FCHSD2: variants seen among roughly 807,000 people sequenced by gnomAD.
FCHSD2 encodes FCH and double SH3 domains 2.
FCHSD2 carries 38 observed loss-of-function variants against 108.1 expected under a neutral mutation model. The ratio of observed to expected loss-of-function variants is 0.35; its 90% CI spans 0.27 to 0.46. FCHSD2 has a LOEUF of 0.46. Among genes scored for constraint, FCHSD2 ranks in the 20% least tolerant of loss-of-function variants. The probability of loss-of-function intolerance (pLI) is 1.00; values close to 1 mark genes in which losing one functional copy is unlikely to be tolerated. For synonymous variants in FCHSD2, 279 were observed against 314.7 expected (o/e 0.89, Z 1.20); for missense variants, 751 against 897.8 (o/e 0.84, Z 2.09).
At chr11:72,954,181 G>C (rs1246122304) in intron 8 of FCHSD2, among the ~76,000 whole-genome samples, 1 of 147,228 alleles carries the variant, frequency 6.8e-6, no homozygotes, top group Non-Finnish European at 1.5e-5. Context: ...TAGAATATTA[G>C]CAGTAGATGT....
At chr11:73,101,709 T>C (rs962748632) in intron 2 of FCHSD2, among the ~76,000 whole-genome samples, 2 of 151,848 alleles carry the variant, frequency 1.3e-5, no homozygotes, top group African/African-American at 4.8e-5. Context: ...AGTGCTGGGA[T>C]TATAGGTGTG....
At chr11:73,092,400 A>G (rs1037272140) in intron 2 of FCHSD2, among the ~76,000 whole-genome samples, 2 of 151,666 alleles carry the variant, frequency 1.3e-5, no homozygotes, top group African/African-American at 4.8e-5. Flanking sequence ...TCAGCCTCCC[A>G]AAGTGCTGGG....
chr11:73,066,198 C>T (rs1859288310), intron 3 of FCHSD2, among the ~76,000 whole-genome samples: 1 of 152,108 alleles, frequency 6.6e-6, no homozygotes, highest in East Asian at 1.9e-4. Context: ...ACACCACACA[C>T]CTACAACCAA....
chr11:72,887,418 G>C, intron 12 of FCHSD2, 52 bp downstream of exon 12: 1 of 1,100,126 alleles, frequency 9.1e-7, no homozygotes, highest in South Asian at 1.3e-5. Flanking sequence ...TATCACAGCT[G>C]TGACAGTGTC....
At chr11:72,871,027 C>G (rs748882925) in intron 12 of FCHSD2, among the ~76,000 whole-genome samples, 1 of 151,686 alleles carries the variant, frequency 6.6e-6, no homozygotes, top group African/African-American at 2.4e-5. Flanking sequence ...GCAGAAATAG[C>G]AGAGATTGAG....
chr11:73,141,358 T>C (rs1861243442), intron 1 of FCHSD2: 2 of 155,372 alleles, frequency 1.3e-5, no homozygotes, highest in South Asian at 3.5e-4. Context: ...CAACTTCTTT[T>C]CGGCCGCCCC....
intron 8 of FCHSD2, among the ~76,000 whole-genome samples, chr11:72,970,975 C>T (rs1055290422): frequency 6.6e-6 from 1 of 152,142 alleles, no homozygotes; most frequent in Non-Finnish European, 1.5e-5. Context: ...TAATGAGAAA[C>T]GTGAGATAGC....
intron 2 of FCHSD2, among the ~76,000 whole-genome samples, chr11:73,130,058 T>C (rs1453922113): frequency 2.6e-5 from 4 of 151,732 alleles, no homozygotes; most frequent in Non-Finnish European, 5.9e-5. Context: ...TTTTTTTTAG[T>C]AGAGACGGGG....
chr11:73,127,950 A>T (rs900964091), intron 2 of FCHSD2, among the ~76,000 whole-genome samples: 1 of 150,634 alleles, frequency 6.6e-6, no homozygotes, highest in Admixed American at 6.7e-5. Context: ...ACAAAAAATT[A>T]GCCAGGCGTT....
At chr11:72,889,117 G>A (rs1017989836) in intron 11 of FCHSD2, among the ~76,000 whole-genome samples, 1 of 151,896 alleles carries the variant, frequency 6.6e-6, no homozygotes. Flanking sequence ...ACCACACTCG[G>A]CTAATTTTTT....
chr11:72,981,918 T>C (rs992761291), intron 8 of FCHSD2, among the ~76,000 whole-genome samples: 1 of 152,194 alleles, frequency 6.6e-6, no homozygotes, highest in Non-Finnish European at 1.5e-5. Flanking sequence ...GAGGTTCAGG[T>C]TGCAGTGAGC....
chr11:72,914,806 T>G (rs907511063), intron 9 of FCHSD2, among the ~76,000 whole-genome samples: 1 of 151,976 alleles, frequency 6.6e-6, no homozygotes, highest in African/African-American at 2.4e-5. Context: ...GGCAATACCA[T>G]TCAGGACATA....
At chr11:73,032,232 G>T (rs890009637) in intron 3 of FCHSD2, among the ~76,000 whole-genome samples, 1 of 152,028 alleles carries the variant, frequency 6.6e-6, no homozygotes, top group Non-Finnish European at 1.5e-5. Context: ...ATTGTTCAAT[G>T]TTTTTTTATT....
chr11:72,916,300 CTTTTTTT>C (rs889180267), intron 9 of FCHSD2, among the ~76,000 whole-genome samples: 7 of 120,250 alleles, frequency 5.8e-5, no homozygotes, highest in Admixed American at 1.7e-4. Context: ...TGGTACACAA[CTTTTTTT>C]TTTTTTTTTT....
rs1565339614 is a variant in FCHSD2 at position 72,954,196 on chromosome 11, A to AATTTTTTTTT, written c.705+29891_705+29892insAAAAAAAAAT. Among the ~76,000 whole-genome samples the AATTTTTTTTT allele has an allele frequency of 6.3e-5, 7 of 111,702 alleles. 2 individuals are homozygous for AATTTTTTTTT. The highest frequency in any genetic ancestry group is 1.0e-4 in the African/African-American group (3 of 29,398). 73.3% of individuals were successfully genotyped at this position (111,702 alleles called of 152,430 possible). ...TAGAATATTAGCAGTAGATGTGGGGATTTTTTTTTTTTTTTTTTTTTTTTT... is the reference window on the plus strand; with the variant it reads ...TAGAATATTAGCAGTAGATGTGGGGAATTTTTTTTTTTTTTTTTTTTTTTTTTTTTTTTTT... On this transcript the variant is annotated intron_variant, in intron 8 of 19. Transcript: ENST00000409418.
intron 17 of FCHSD2, 154 bp downstream of exon 17, chr11:72,842,467 C>G (rs1860990153): frequency 1.3e-6 from 1 of 796,144 alleles, no homozygotes; most frequent in Non-Finnish European, 2.0e-6. Context: ...TGACAAGTCT[C>G]TGGTTTCCCA....
chr11:73,015,361 A>G (rs919125512), intron 4 of FCHSD2, among the ~76,000 whole-genome samples: 3 of 152,212 alleles, frequency 2.0e-5, no homozygotes, highest in Admixed American at 1.3e-4. Flanking sequence ...CTTACAATAC[A>G]TTAGAAAGTT....
rs138664316 is a variant in FCHSD2 at position 73,107,035 on chromosome 11, C to CTATA, written c.120-23299_120-23296dup. Among the ~76,000 whole-genome samples the CTATA allele has an allele frequency of 8.9e-3, 1,325 of 149,062 alleles. 19 individuals are homozygous for CTATA. The highest frequency in any genetic ancestry group is 0.03 in the African/African-American group (1,233 of 40,458). On this transcript the variant is annotated intron_variant, in intron 2 of 19. Transcript: ENST00000409418. ...TCTCTATTATTTTTTGTTAGAAAAG[C>CTATA]TATATATATATATATATTTTTAAAT...
chr11:72,872,834 G>A (rs1015030074), intron 12 of FCHSD2, among the ~76,000 whole-genome samples: 1 of 152,188 alleles, frequency 6.6e-6, no homozygotes, highest in Non-Finnish European at 1.5e-5. Context: ...GGATCATGAA[G>A]TAATGCTAAG....
Sources: gnomAD v4.1 joint callset for allele counts (sites outside exome capture counted in the v4.1 genomes callset) on GRCh38, gnomAD v4.1.1 for gene constraint, MANE v1.5 for transcripts, NCBI Gene and HGNC (gene_info 2026-07-23, HGNC 2026-07-21) for gene names.